The following PTPN14 variants were observed in gnomAD, a reference collection of about 807,000 sequenced individuals.
PTPN14 encodes protein tyrosine phosphatase non-receptor type 14.
PTPN14 carries 53 observed loss-of-function variants against 126.8 expected under a neutral mutation model. That is an observed-to-expected ratio of 0.42 (90% CI 0.34 to 0.53). The LOEUF is 0.53. Ranked by LOEUF, PTPN14 falls within the 20% of genes least tolerant of loss-of-function variation. The pLI, the probability that PTPN14 is intolerant of heterozygous loss-of-function variation, is 0.08. For synonymous variants in PTPN14, 630 were observed against 599.3 expected, an observed-to-expected ratio of 1.05 and a Z score of -0.75; for missense variants, 1,257 against 1,552.9, an observed-to-expected ratio of 0.81 and a Z score of 3.20.
At chr1:214,498,702 A>G (rs942676395) in intron 1 of PTPN14, among the ~76,000 whole-genome samples, 1 of 152,190 alleles carries the variant, frequency 6.6e-6, no homozygotes, top group Non-Finnish European at 1.5e-5. Context: ...ACCACAATAT[A>G]TTGCTGATAA....
At chr1:214,443,247 T>C (rs532177698) in intron 3 of PTPN14, among the ~76,000 whole-genome samples, 2 of 152,328 alleles carry the variant, frequency 1.3e-5, no homozygotes, top group East Asian at 3.9e-4. Context: ...TGATTTATAG[T>C]CTTCTTCACA....
intron 1 of PTPN14, among the ~76,000 whole-genome samples, chr1:214,486,765 GA>G (rs1661122254): frequency 6.6e-6 from 1 of 152,108 alleles, no homozygotes; most frequent in Non-Finnish European, 1.5e-5. Flanking sequence ...CAACCTCCCT[GA>G]ACCCTCTCCC....
chr1:214,505,895 C>CA (rs1558133547), intron 1 of PTPN14, among the ~76,000 whole-genome samples: 1 of 151,914 alleles, frequency 6.6e-6, no homozygotes, highest in Non-Finnish European at 1.5e-5. Context: ...GACTTTGTCT[C>CA]AAAAAAATCG....
At chr1:214,449,207 G>A (rs74579941) in intron 3 of PTPN14, among the ~76,000 whole-genome samples, 27 of 150,696 alleles carry the variant, frequency 1.8e-4, no homozygotes, top group East Asian at 1.2e-3. Context: ...GGGGTTTCAC[G>A]GTGTTAGCCA....
At chr1:214,394,767 G>T in intron 9 of PTPN14, 132 bp downstream of exon 9, 1 of 815,288 alleles carries the variant, frequency 1.2e-6, no homozygotes, top group Non-Finnish European at 2.1e-6. Context: ...CACTGACCAA[G>T]TATTAGAAAG....
chr1:214,539,772 C>T (rs1454052439), intron 1 of PTPN14, among the ~76,000 whole-genome samples: 1 of 152,092 alleles, frequency 6.6e-6, no homozygotes. Context: ...TGCATATTCA[C>T]GGGCAAAGCT....
rs977039880 is a variant in PTPN14 at position 214,394,795 on chromosome 1, A to G, written c.846+104T>C. The G allele has an allele frequency of 2.2e-5, 22 of 1,002,130 alleles. No individual in the cohort carries two copies. In the East Asian group the frequency reaches 4.8e-4, roughly 22 times the overall value. 62.1% of individuals were successfully genotyped at this position (1,002,130 alleles called of 1,614,324 possible). A position where few individuals can be genotyped will look rare whatever the true frequency, so the allele number is the denominator to read the frequency against. On this transcript the variant is annotated intron_variant, in intron 9 of 18. Transcript: ENST00000366956. ...TTAGAAAGCATCTCTTCAAGGGAGTATTTATTATCTCAAGATAGGGAGAGC... is the reference window on the plus strand; with the variant it reads ...TTAGAAAGCATCTCTTCAAGGGAGTGTTTATTATCTCAAGATAGGGAGAGC...
intron 1 of PTPN14, among the ~76,000 whole-genome samples, chr1:214,550,941 A>T (rs1169054239): frequency 6.6e-6 from 1 of 152,134 alleles, no homozygotes; most frequent in Non-Finnish European, 1.5e-5. Flanking sequence ...AACTCCCCAG[A>T]CTGCGCTCAC....
In PTPN14 at chr1:214,369,566, C is replaced by T. The variant is rs551111257; in HGVS notation, c.3162G>A (p.Thr1054=). 1.2e-5 allele frequency: 19 copies of T among 1,614,076 alleles called. No homozygotes were observed. Among genetic ancestry groups the T allele is most frequent in the East Asian group, 4.5e-5 (2 of 44,852 alleles). The stretch of plus-strand genomic sequence containing the variant: ...ACAAAAGGTGCTTGACCTTCAAGCC[C>T]GTGGTTGCATAGCAAACAGAATCCG... ...FRTDSVCYAT[T]GLKVKHLLSG... The change falls in exon 17 of 19, where the codon ACG becomes ACA. Residue 1054 remains threonine, a synonymous_variant. Transcript: ENST00000366956.
chr1:214,453,333 CAT>C (rs1660309936), intron 2 of PTPN14, among the ~76,000 whole-genome samples: 1 of 152,170 alleles, frequency 6.6e-6, no homozygotes, highest in African/African-American at 2.4e-5. Flanking sequence ...TGAGTGATGA[CAT>C]AGAGGAAATG....
rs557321966 is a variant in PTPN14 at position 214,351,290 on chromosome 1, T to TAAAAAAAAAAAAAAAAAA, written c.*6631_*6632insTTTTTTTTTTTTTTTTTT. 5 of 61,350 alleles carry TAAAAAAAAAAAAAAAAAA rather than the reference T, an allele frequency of 8.1e-5. No homozygotes were observed. The highest frequency in any genetic ancestry group is 1.4e-4 in the Non-Finnish European group (4 of 27,978). The allele number at this position is 61,350 out of a possible 1,614,324, so 3.8% of individuals were successfully genotyped here. ...AGGAGTGAGACACGATCTCAAAAACTAAAAAAAAAAAAAAAAAGAAAAAGA... is the reference window on the plus strand; with the variant it reads ...AGGAGTGAGACACGATCTCAAAAACTAAAAAAAAAAAAAAAAAAAAAAAAAAAAAAAAAAAGAAAAAGA... On this transcript the variant is annotated 3_prime_UTR_variant, in exon 19 of 19. Coordinates refer to ENST00000366956, the MANE Select transcript of PTPN14 (RefSeq NM_005401.5).
chr1:214,401,202 G>T (rs573077989), intron 7 of PTPN14, among the ~76,000 whole-genome samples: 2 of 152,284 alleles, frequency 1.3e-5, no homozygotes, highest in South Asian at 2.1e-4. Flanking sequence ...AAACACCAAA[G>T]GGGCTAGGAA....
chr1:214,412,721 C>T (rs758792569), intron 4 of PTPN14, among the ~76,000 whole-genome samples: 2 of 152,194 alleles, frequency 1.3e-5, no homozygotes, highest in African/African-American at 2.4e-5. Flanking sequence ...TCAGACTGAA[C>T]AGCTAGCTTC....
At chr1:214,499,868 G>A (rs61443257) in intron 1 of PTPN14, among the ~76,000 whole-genome samples, 21,358 of 151,614 alleles carry the variant, frequency 0.14, 1,642 homozygotes, top group East Asian at 0.24. Context: ...CACATTACAG[G>A]AAACTCAACT....
chr1:214,506,342 A>T (rs565892344), intron 1 of PTPN14, among the ~76,000 whole-genome samples: 5,109 of 147,784 alleles, frequency 0.035, 264 homozygotes, highest in African/African-American at 0.12. Flanking sequence ...CGTCTCTTAA[A>T]TTTTTTTTTT....
chr1:214,398,264 T>C (rs1224187088), intron 7 of PTPN14, among the ~76,000 whole-genome samples: 1 of 152,218 alleles, frequency 6.6e-6, no homozygotes, highest in Non-Finnish European at 1.5e-5. Flanking sequence ...TGTTCTCACT[T>C]ACACATGGAA....
intron 1 of PTPN14, among the ~76,000 whole-genome samples, chr1:214,516,040 T>C (rs1285311573): frequency 6.6e-6 from 1 of 152,206 alleles, no homozygotes; most frequent in Admixed American, 6.5e-5. Flanking sequence ...TATAATTTCC[T>C]GCACTCCTCT....
chr1:214,386,630 G>A (rs775716590), intron 12 of PTPN14, among the ~76,000 whole-genome samples: 22 of 152,182 alleles, frequency 1.4e-4, no homozygotes, highest in African/African-American at 4.3e-4. Context: ...CCTTGGCCCC[G>A]ACTCCCTGAG....
chr1:214,523,850 C>CT (rs1286518641), intron 1 of PTPN14, among the ~76,000 whole-genome samples: 30,675 of 134,384 alleles, frequency 0.23, 3,639 homozygotes, highest in Middle Eastern at 0.3. Context: ...TAATCAGATT[C>CT]TTTTTTTTTT....
Sources: gnomAD v4.1 joint callset for allele counts (sites outside exome capture counted in the v4.1 genomes callset) on GRCh38, gnomAD v4.1.1 for gene constraint, MANE v1.5 for transcripts, NCBI Gene and HGNC (gene_info 2026-07-23, HGNC 2026-07-21) for gene names.